Variants in CNTN1 observed in about 807,000 individuals in gnomAD.
The protein encoded by CNTN1 is contactin-1.
CNTN1 carries 38 observed loss-of-function variants against 126.4 expected under a neutral mutation model. The observed-to-expected ratio is 0.30, with a 90% CI of 0.23 to 0.39. CNTN1 has a LOEUF of 0.39. Among genes scored for constraint, CNTN1 ranks in the 10% least tolerant of loss-of-function variants. CNTN1 has a pLI of 1.00. For missense variants in CNTN1, 1,009 were observed against 1,248.4 expected, an observed-to-expected ratio of 0.81 and a Z score of 2.89; for synonymous variants, 413 against 422.6, an observed-to-expected ratio of 0.98 and a Z score of 0.28.
At chr12:40,858,088 C>T (rs2136635963) in intron 1 of CNTN1, among the ~76,000 whole-genome samples, 1 of 152,204 alleles carries the variant, frequency 6.6e-6, no homozygotes, top group South Asian at 2.1e-4. Flanking sequence ...TGTTCTCTTT[C>T]AGTTGTTAGC....
intron 19 of CNTN1, 44 bp downstream of exon 19, chr12:41,016,960 C>A: frequency 6.7e-7 from 1 of 1,498,244 alleles, no homozygotes; most frequent in Non-Finnish European, 9.3e-7. Context: ...GGAGGAAAAA[C>A]GTATTTCTCT....
In CNTN1 at chr12:40,735,826, A is replaced by G. The variant is rs567853623; in HGVS notation, c.-77+43234A>G. The stretch of plus-strand genomic sequence containing the variant: ...AACATTGGGGGATGCTAAAGAGGAA[A>G]ATCTACAGTCCTCGGTTTGAGTCAA... On this transcript the variant is annotated intron_variant, in intron 1 of 23. Coordinates refer to ENST00000551295, the MANE Select transcript of CNTN1 (RefSeq NM_001843.4). Among the ~76,000 whole-genome samples, 24 of 152,186 alleles carry G rather than the reference A, an allele frequency of 1.6e-4. 1 individual carries two copies. The highest frequency in any genetic ancestry group is 5.5e-4 in the African/African-American group (23 of 41,552).
chr12:40,952,203 C>T (rs756788901), intron 14 of CNTN1, among the ~76,000 whole-genome samples: 1 of 151,986 alleles, frequency 6.6e-6, no homozygotes, highest in Non-Finnish European at 1.5e-5. Flanking sequence ...CTATATATTA[C>T]CTATGGAGCC....
chr12:40,785,844 A>G (rs1366374379), intron 1 of CNTN1, among the ~76,000 whole-genome samples: 2 of 152,142 alleles, frequency 1.3e-5, no homozygotes, highest in Non-Finnish European at 2.9e-5. Flanking sequence ...ATCTCACATT[A>G]ACTAACTGAG....
chr12:40,968,616 A>G (rs959737524), intron 15 of CNTN1, among the ~76,000 whole-genome samples: 6 of 152,214 alleles, frequency 3.9e-5, no homozygotes, highest in Non-Finnish European at 7.3e-5. Context: ...ATCTTAGATT[A>G]TAATGTCTAC....
intron 1 of CNTN1, among the ~76,000 whole-genome samples, chr12:40,785,808 A>G (rs6581954): frequency 0.91 from 137,753 of 152,102 alleles, 62,516 homozygotes; most frequent in Middle Eastern, 0.95. Flanking sequence ...GAGGCCTGAC[A>G]GTAGGATACT....
chr12:40,987,566 T>C (rs181291987), intron 16 of CNTN1, among the ~76,000 whole-genome samples: 165 of 152,300 alleles, frequency 1.1e-3, no homozygotes, highest in Non-Finnish European at 1.5e-3. Context: ...ATAGTAACCA[T>C]GCTATGAGAA....
chr12:40,938,114 G>A (rs1258938255), intron 11 of CNTN1, among the ~76,000 whole-genome samples: 3 of 152,154 alleles, frequency 2.0e-5, no homozygotes, highest in East Asian at 1.9e-4. Context: ...ACATAGTTAC[G>A]GATGATTGTA....
intron 3 of CNTN1, 76 bp from the exon 4 acceptor site, chr12:40,918,563 A>AT (rs892849418): frequency 4.5e-6 from 6 of 1,334,672 alleles, no homozygotes; most frequent in Non-Finnish European, 3.2e-6. Flanking sequence ...TTTTCAAGTA[A>AT]TTTTTTTTCA....
intron 1 of CNTN1, among the ~76,000 whole-genome samples, chr12:40,745,573 A>G (rs1938147442): frequency 6.6e-6 from 1 of 152,130 alleles, no homozygotes; most frequent in Non-Finnish European, 1.5e-5. Context: ...TTCTTACTAT[A>G]CAAATTAAGC....
At chr12:41,022,717 C>T (rs932489676) in intron 20 of CNTN1, among the ~76,000 whole-genome samples, 1 of 152,100 alleles carries the variant, frequency 6.6e-6, no homozygotes, top group African/African-American at 2.4e-5. Flanking sequence ...ATCCACACAA[C>T]CCTAGAGGAT....
At chr12:40,769,098 T>C (rs538620101) in intron 1 of CNTN1, among the ~76,000 whole-genome samples, 1 of 152,288 alleles carries the variant, frequency 6.6e-6, no homozygotes, top group South Asian at 2.1e-4. Flanking sequence ...CAATTCATTA[T>C]TGCAAATTAC....
intron 1 of CNTN1, among the ~76,000 whole-genome samples, chr12:40,724,763 A>G (rs1942306661): frequency 6.6e-6 from 1 of 152,228 alleles, no homozygotes; most frequent in Non-Finnish European, 1.5e-5. Flanking sequence ...TTATGCTGGT[A>G]TCGAAAATAA....
intron 1 of CNTN1, chr12:40,828,031 G>A (rs1941675690): frequency 1.3e-5 from 2 of 152,138 alleles, no homozygotes; most frequent in Non-Finnish European, 2.9e-5. Flanking sequence ...TTTGGAAGAT[G>A]TAAATCTCCC....
intron 17 of CNTN1, among the ~76,000 whole-genome samples, chr12:41,012,786 T>C (rs531212420): frequency 3.3e-5 from 5 of 152,304 alleles, no homozygotes; most frequent in African/African-American, 1.2e-4. Context: ...CAATAGCCTC[T>C]GAATGAAAGG....
At chr12:40,869,395 G>A (rs1943411905) in intron 1 of CNTN1, among the ~76,000 whole-genome samples, 1 of 151,658 alleles carries the variant, frequency 6.6e-6, no homozygotes, top group South Asian at 2.1e-4. Flanking sequence ...AGTCGCCAGA[G>A]TAAGTTTGGA....
chr12:41,004,136 G>A (rs1474261181), intron 17 of CNTN1, among the ~76,000 whole-genome samples: 1 of 152,064 alleles, frequency 6.6e-6, no homozygotes, highest in Admixed American at 6.6e-5. Flanking sequence ...ATTCTGGTAT[G>A]TTGTATCTTT....
At position 41,029,068 on chromosome 12, in the gene CNTN1, C is replaced by T. The variant is rs1349902745; in HGVS notation, c.2829C>T (p.Leu943=). 6.2e-7 allele frequency: 1 copy of T among 1,613,754 alleles called. No individual in the cohort carries two copies. The highest frequency in any genetic ancestry group is 8.5e-7 in the Non-Finnish European group (1 of 1,179,864). ...NESTVTGYKV[L]YRPDGQHDGK... ...ACATTTCTGTACTTTATAAGGTACT[C>T]TACAGACCTGATGGCCAGCATGATG... The change falls in exon 23 of 24, where the codon CTC becomes CTT. Residue 943 remains leucine, a synonymous_variant. Transcript: ENST00000551295.
chr12:40,885,583 A>G (rs1407124085), intron 1 of CNTN1, among the ~76,000 whole-genome samples: 2 of 152,002 alleles, frequency 1.3e-5, no homozygotes, highest in Non-Finnish European at 2.9e-5. Flanking sequence ...TGAGATATTC[A>G]TAGCATTTAC....
Sources: gnomAD v4.1 joint callset for allele counts (sites outside exome capture counted in the v4.1 genomes callset) on GRCh38, gnomAD v4.1.1 for gene constraint, MANE v1.5 for transcripts, NCBI Gene and HGNC (gene_info 2026-07-23, HGNC 2026-07-21) for gene names.